Variants in GRIA4 observed in about 807,000 individuals in gnomAD.
GRIA4 encodes the protein glutamate ionotropic receptor AMPA type subunit 4, also known as glutamate receptor 4.
GRIA4 carries 34 observed loss-of-function variants against 104.0 expected under a neutral mutation model. The ratio of observed to expected loss-of-function variants is 0.33; its 90% confidence interval spans 0.25 to 0.44. The LOEUF (loss-of-function observed/expected upper bound fraction) is 0.44, where lower values mean the gene tolerates loss of function less well. Ranked by LOEUF, GRIA4 falls within the 20% of genes least tolerant of loss-of-function variation. The probability of loss-of-function intolerance (pLI) is 1.00; values close to 1 mark genes in which losing one functional copy is unlikely to be tolerated. For missense variants in GRIA4, 750 were observed against 1,096.5 expected, an observed-to-expected ratio of 0.68 and a Z score of 4.46; for synonymous variants, 386 against 381.9, an observed-to-expected ratio of 1.01 and a Z score of -0.13.
intron 14 of GRIA4, among the ~76,000 whole-genome samples, chr11:105,966,308 C>T (rs968064551): frequency 5.3e-5 from 8 of 152,112 alleles, no homozygotes; most frequent in Non-Finnish European, 8.8e-5. Flanking sequence ...GTGGATCAGA[C>T]GTTATAAGTC....
At chr11:105,936,305 G>T (rs1948033505) in intron 14 of GRIA4, among the ~76,000 whole-genome samples, 1 of 152,188 alleles carries the variant, frequency 6.6e-6, no homozygotes, top group Non-Finnish European at 1.5e-5. Flanking sequence ...ATTCATCAGA[G>T]CAAGGTCGAG....
chr11:105,614,115 A>G (rs1343712102), intron 3 of GRIA4: 3 of 151,732 alleles, frequency 2.0e-5, no homozygotes, highest in Non-Finnish European at 2.9e-5. Flanking sequence ...CAATCTTACT[A>G]CTTTTAAAAA....
At chr11:105,973,399 G>A (rs976321547) in intron 15 of GRIA4, among the ~76,000 whole-genome samples, 1 of 151,898 alleles carries the variant, frequency 6.6e-6, no homozygotes, top group African/African-American at 2.4e-5. Context: ...TACAATTTTA[G>A]TATCTTCCAA....
At chr11:105,972,088 T>A (rs1044006698) in intron 15 of GRIA4, 60 bp downstream of exon 15, 2 of 996,122 alleles carry the variant, frequency 2.0e-6, no homozygotes, top group African/African-American at 3.2e-5. Flanking sequence ...CGGGAGCAAT[T>A]GTCAAAAGTA....
chr11:105,759,758 C>T (rs1940513628), intron 4 of GRIA4, among the ~76,000 whole-genome samples: 1 of 152,176 alleles, frequency 6.6e-6, no homozygotes, highest in Admixed American at 6.5e-5. Flanking sequence ...CTGAGCATAA[C>T]TTCCTCTGGA....
intron 3 of GRIA4, among the ~76,000 whole-genome samples, chr11:105,628,755 T>A (rs1365615375): frequency 6.6e-6 from 1 of 152,186 alleles, no homozygotes; most frequent in Non-Finnish European, 1.5e-5. Context: ...TTCACAAAAT[T>A]TGCTAATGAT....
At chr11:105,934,015 C>T (rs752127177) in intron 14 of GRIA4, 46 bp downstream of exon 14, 24 of 1,480,102 alleles carry the variant, frequency 1.6e-5, no homozygotes, top group African/African-American at 2.8e-5. Flanking sequence ...TTATAGTATT[C>T]CACCTTCCCT....
chr11:105,971,606 A>G (rs1415212366), intron 14 of GRIA4, among the ~76,000 whole-genome samples: 3 of 152,216 alleles, frequency 2.0e-5, no homozygotes, highest in African/African-American at 7.2e-5. Context: ...TGGATTTTGA[A>G]TGGCTGCCAC....
Position 105,966,079 on chromosome 11 carries a change from CA to C in GRIA4, c.2295-5831del, listed in dbSNP as rs760099447. ...ACTCCAAGGTTAGCCTCAATGTCAC[CA>C]AAAGCGGGTAAACAGTATGTAAAGT... On this transcript the variant is annotated intron_variant, in intron 14 of 16. Transcript: ENST00000282499. 3.9e-6 allele frequency: 6 copies of C among 1,525,330 alleles called. No homozygotes were observed. In the South Asian group the frequency reaches 6.7e-5, roughly 17 times the overall value. The allele number at this position is 1,525,330 out of a possible 1,614,324, so 94.5% of individuals were successfully genotyped here. A position where few individuals can be genotyped will look rare whatever the true frequency, so the allele number is the denominator to read the frequency against.
At chr11:105,792,650 T>C (rs955149699) in intron 4 of GRIA4, among the ~76,000 whole-genome samples, 6 of 152,182 alleles carry the variant, frequency 3.9e-5, no homozygotes, top group African/African-American at 1.2e-4. Context: ...AGATATTTGC[T>C]TATTTCTTCC....
chr11:105,723,579 C>A (rs1481506373), intron 3 of GRIA4, among the ~76,000 whole-genome samples: 1 of 152,062 alleles, frequency 6.6e-6, no homozygotes, highest in African/African-American at 2.4e-5. Context: ...TACTTCCCTA[C>A]TAATTTATTT....
intron 6 of GRIA4, 30 bp from the exon 7 acceptor site, chr11:105,898,239 T>C (rs1456403696): frequency 8.3e-7 from 1 of 1,204,074 alleles, no homozygotes; most frequent in South Asian, 1.3e-5. Context: ...ATAAACTAAA[T>C]TTAACAATCT....
At chr11:105,811,403 T>C (rs951494658) in intron 4 of GRIA4, among the ~76,000 whole-genome samples, 30 of 152,118 alleles carry the variant, frequency 2.0e-4, no homozygotes, top group African/African-American at 7.2e-4. Flanking sequence ...CCCACATTCT[T>C]TTGGCGTGGC....
intron 4 of GRIA4, among the ~76,000 whole-genome samples, chr11:105,772,057 T>G (rs889519613): frequency 6.6e-6 from 1 of 152,096 alleles, no homozygotes; most frequent in Non-Finnish European, 1.5e-5. Context: ...TGTAATAATT[T>G]CATAGCCACC....
At chr11:105,644,811 T>C (rs1163965636) in intron 3 of GRIA4, among the ~76,000 whole-genome samples, 2 of 152,178 alleles carry the variant, frequency 1.3e-5, no homozygotes, top group Non-Finnish European at 2.9e-5. Context: ...TAATTTTAAA[T>C]AATAGGTATT....
At chr11:105,803,312 T>G (rs1456409196) in intron 4 of GRIA4, among the ~76,000 whole-genome samples, 2 of 152,100 alleles carry the variant, frequency 1.3e-5, no homozygotes, top group East Asian at 1.9e-4. Context: ...AGAAGAAGAC[T>G]GCAGCTCTGA....
At chr11:105,767,770 A>C (rs1264529031) in intron 4 of GRIA4, among the ~76,000 whole-genome samples, 1 of 152,118 alleles carries the variant, frequency 6.6e-6, no homozygotes, top group Non-Finnish European at 1.5e-5. Flanking sequence ...TCCATTTTTC[A>C]AACGAGAAAA....
rs143991403 is a variant in GRIA4, at chr11:105,808,684, C to T, written c.488-53340C>T. On this transcript the variant is annotated intron_variant, in intron 4 of 16. Coordinates refer to ENST00000282499, the MANE Select transcript of GRIA4 (RefSeq NM_000829.4). ...AAAAATATATTTAAGTCCATCTTCT[C>T]CCTAAATATAAATAAGTACATGGCT... 9.5e-3 allele frequency among the ~76,000 whole-genome samples: 1,443 copies of T among 152,090 alleles called. 30 individuals carry two copies. The highest frequency in any genetic ancestry group is 0.033 in the African/African-American group (1,375 of 41,510).
chr11:105,872,416 G>A (rs1311779587), intron 5 of GRIA4, among the ~76,000 whole-genome samples: 1 of 152,042 alleles, frequency 6.6e-6, no homozygotes, highest in Non-Finnish European at 1.5e-5. Flanking sequence ...CTCTACACTG[G>A]AGAATCACAG....
Sources: gnomAD v4.1 joint callset for allele counts (sites outside exome capture counted in the v4.1 genomes callset) on GRCh38, gnomAD v4.1.1 for gene constraint, MANE v1.5 for transcripts, NCBI Gene and HGNC (gene_info 2026-07-23, HGNC 2026-07-21) for gene names.